The following SLC1A2 variants were observed in gnomAD, a reference collection of about 807,000 sequenced individuals.
SLC1A2 encodes the protein solute carrier family 1 member 2, also known as excitatory amino acid transporter 2.
A neutral mutation model predicts 48.8 loss-of-function variants in SLC1A2; 15 were observed. The ratio of observed to expected loss-of-function variants is 0.31; its 90% CI spans 0.21 to 0.47. SLC1A2 has a LOEUF of 0.47. SLC1A2 is among the 20% of genes least tolerant of loss of function. SLC1A2 has a pLI of 0.99. For synonymous variants in SLC1A2, 279 were observed against 272.6 expected, an observed-to-expected ratio of 1.02 and a Z score of -0.23; for missense variants, 502 against 730.5, an observed-to-expected ratio of 0.69 and a Z score of 3.61.
At chr11:35,286,204 T>C (rs1850814227) in intron 8 of SLC1A2, 1 of 152,254 alleles carries the variant, frequency 6.6e-6, no homozygotes, top group African/African-American at 2.4e-5. Context: ...AAAACAAAAC[T>C]ATGTGCTATT....
At chr11:35,388,493 C>T (rs1461452986) in intron 1 of SLC1A2, among the ~76,000 whole-genome samples, 1 of 152,242 alleles carries the variant, frequency 6.6e-6, no homozygotes, top group Non-Finnish European at 1.5e-5. Context: ...CTCCCAGGCT[C>T]AAGCCATCCT....
rs757543785 is a variant in SLC1A2 at position 35,251,531 on chromosome 11, G to T, written c.*9363C>A. ...ATGTGCTATAGATGCTCTGTGCTACGTGACTTCAGACCAATGGGGATTGTG... is the reference window on the plus strand; with the variant it reads ...ATGTGCTATAGATGCTCTGTGCTACTTGACTTCAGACCAATGGGGATTGTG... On this transcript the variant is annotated 3_prime_UTR_variant, in exon 11 of 11. Transcript: ENST00000278379. The T allele has an allele frequency of 6.6e-6, 1 of 152,352 alleles. No homozygotes were observed. Among genetic ancestry groups the T allele is most frequent in the Admixed American group, 6.5e-5 (1 of 15,268 alleles). 9.4% of individuals were successfully genotyped at this position (152,352 alleles called of 1,614,324 possible). A position where few individuals can be genotyped will look rare whatever the true frequency, so the allele number is the denominator to read the frequency against.
intron 1 of SLC1A2, among the ~76,000 whole-genome samples, chr11:35,324,039 T>C (rs138176746): frequency 5.9e-5 from 9 of 152,318 alleles, no homozygotes; most frequent in Non-Finnish European, 2.9e-5. Flanking sequence ...TCAGGCACAG[T>C]CAATTACTGT....
At chr11:35,418,504 G>A (rs1039181345) in intron 1 of SLC1A2, 22 of 164,600 alleles carry the variant, frequency 1.3e-4, no homozygotes, top group African/African-American at 5.3e-4. Context: ...CGCGCGCGCT[G>A]GTCCTTGCCC....
chr11:35,354,325 T>G (rs889641369), intron 1 of SLC1A2, among the ~76,000 whole-genome samples: 3 of 151,972 alleles, frequency 2.0e-5, no homozygotes, highest in African/African-American at 7.3e-5. Context: ...CCAGGCATGA[T>G]GGTGCACACC....
intron 2 of SLC1A2, 64 bp downstream of exon 2, chr11:35,317,313 C>T: frequency 1.9e-6 from 3 of 1,552,152 alleles, no homozygotes; most frequent in Non-Finnish European, 2.6e-6. Context: ...AGACCAGCTG[C>T]CCCACAGAGC....
At chr11:35,262,432 G>A (rs989768773) in intron 10 of SLC1A2, among the ~76,000 whole-genome samples, 1 of 152,150 alleles carries the variant, frequency 6.6e-6, no homozygotes, top group Non-Finnish European at 1.5e-5. Context: ...AGAAAGCCAG[G>A]ACTCCATTCC....
chr11:35,306,394 TTA>T (rs1057348865), intron 4 of SLC1A2, 152 bp from the exon 5 acceptor site: 16 of 581,926 alleles, frequency 2.7e-5, no homozygotes, highest in African/African-American at 2.4e-4. Flanking sequence ...GGAGAATATT[TTA>T]TATGTCTATA....
rs139288607 is a variant in SLC1A2 at position 35,317,191 on chromosome 11, G to A, written c.157+186C>T. 1,026 of 566,642 alleles carry A rather than the reference G, an allele frequency of 1.8e-3. 3 individuals are homozygous for A. Among genetic ancestry groups the A allele is most frequent in the African/African-American group, 4.4e-3 (236 of 53,860 alleles). 35.1% of individuals were successfully genotyped at this position (566,642 alleles called of 1,614,324 possible). On this transcript the variant is annotated intron_variant, in intron 2 of 10. Transcript: ENST00000278379. ...ATTTAAGAACTACTAGAATCCAAAG[G>A]AGAATGAATGGCTAGAGGAGGTAAG...
Position 35,369,515 on chromosome 11 carries a change from A to C in SLC1A2, c.17+49435T>G, listed in dbSNP as rs949385834. On this transcript the variant is annotated intron_variant, in intron 1 of 10. Coordinates refer to ENST00000278379, the MANE Select transcript of SLC1A2 (RefSeq NM_004171.4). The stretch of plus-strand genomic sequence containing the variant: ...ACTCATGCTGGAGGTTGGAAATAAA[A>C]AGCCATGGGGCCTTGGGGATAAAGA... Among the ~76,000 whole-genome samples the C allele has an allele frequency of 1.4e-4, 21 of 152,194 alleles. 1 individual carries two copies. The East Asian group carries it at 4.0e-3, about 29-fold the overall frequency.
intron 1 of SLC1A2, among the ~76,000 whole-genome samples, chr11:35,410,949 C>A (rs1855441333): frequency 6.6e-6 from 1 of 152,132 alleles, no homozygotes; most frequent in East Asian, 1.9e-4. Context: ...CTGGGACCAA[C>A]CAATGACACC....
intron 1 of SLC1A2, among the ~76,000 whole-genome samples, chr11:35,340,104 G>C (rs1852782442): frequency 6.6e-6 from 1 of 152,100 alleles, no homozygotes; most frequent in South Asian, 2.1e-4. Context: ...ACACTGACAT[G>C]AGCTCTCTGC....
rs143323066 is a variant in SLC1A2 at position 35,264,131 on chromosome 11, A to C, written c.1653+1396T>G. 2.6e-5 allele frequency: 4 copies of C among 152,288 alleles called. No individual in the cohort carries two copies. In the South Asian group the frequency reaches 8.3e-4, roughly 32 times the overall value. The allele number at this position is 152,288 out of a possible 1,614,324, so 9.4% of individuals were successfully genotyped here. On this transcript the variant is annotated intron_variant, in intron 10 of 10. Coordinates refer to ENST00000278379, the MANE Select transcript of SLC1A2 (RefSeq NM_004171.4). ...AATAAACTTGTGCAATTGCCTCTTGATGGGTGGTTTCCCTCCCTAATTTGT... is the reference window on the plus strand; with the variant it reads ...AATAAACTTGTGCAATTGCCTCTTGCTGGGTGGTTTCCCTCCCTAATTTGT...
At chr11:35,350,137 C>T (rs150353180) in intron 1 of SLC1A2, among the ~76,000 whole-genome samples, 4 of 152,258 alleles carry the variant, frequency 2.6e-5, no homozygotes, top group African/African-American at 9.6e-5. Context: ...TAAGATGTGC[C>T]AGGAAATGCC....
intron 1 of SLC1A2, chr11:35,391,427 G>T (rs922975001): frequency 2.0e-5 from 3 of 152,180 alleles, no homozygotes; most frequent in African/African-American, 4.8e-5. Flanking sequence ...CACCCACCTG[G>T]GCAAGAAGTC....
chr11:35,317,323 C>A, intron 2 of SLC1A2, 54 bp downstream of exon 2: 1 of 1,584,566 alleles, frequency 6.3e-7, no homozygotes, highest in South Asian at 1.1e-5. Flanking sequence ...CCCCACAGAG[C>A]CAGGAGAGTC....
chr11:35,340,312 C>T (rs1029430453), intron 1 of SLC1A2, among the ~76,000 whole-genome samples: 1 of 152,204 alleles, frequency 6.6e-6, no homozygotes, highest in Non-Finnish European at 1.5e-5. Context: ...CTGCTGGAGC[C>T]AGGGCAGGGC....
In SLC1A2 at chr11:35,263,399, C is replaced by T. The variant is rs1950427643; in HGVS notation, c.1653+2128G>A. On this transcript the variant is annotated intron_variant, in intron 10 of 10. Transcript: ENST00000278379. ...AGGAGAATTGCTTGAACCTGGGAGG[C>T]GGAGGTTGTGGTGAGCCGAGAGCAC... Among the ~76,000 whole-genome samples the T allele has an allele frequency of 2.0e-5, 3 of 152,004 alleles. No individual in the cohort carries two copies. The South Asian group carries it at 6.2e-4, about 32-fold the overall frequency.
intron 1 of SLC1A2, among the ~76,000 whole-genome samples, chr11:35,386,550 T>C (rs1405715692): frequency 1.3e-5 from 2 of 152,186 alleles, no homozygotes; most frequent in Admixed American, 6.5e-5. Context: ...CAAAAGAACA[T>C]CAATTTTTAT....
Sources: gnomAD v4.1 joint callset for allele counts (sites outside exome capture counted in the v4.1 genomes callset) on GRCh38, gnomAD v4.1.1 for gene constraint, MANE v1.5 for transcripts, NCBI Gene and HGNC (gene_info 2026-07-23, HGNC 2026-07-21) for gene names.